KLHL28: variants seen among roughly 807,000 people sequenced by gnomAD.
The protein encoded by KLHL28 is kelch like family member 28.
In KLHL28, 22 loss-of-function variants were observed where a neutral mutation model predicts 48.3. The observed-to-expected ratio is 0.46, with a 90% CI of 0.33 to 0.65. The LOEUF is 0.65. KLHL28 is among the 30% of genes least tolerant of loss of function. The pLI is 0.03. For synonymous variants in KLHL28, 243 were observed against 242.4 expected (o/e 1.00, Z -0.02); for missense variants, 527 against 704.3 (o/e 0.75, Z 2.85).
chr14:44,956,049 A>G (rs1884782533), intron 1 of KLHL28, among the ~76,000 whole-genome samples: 1 of 152,220 alleles, frequency 6.6e-6, no homozygotes, highest in Non-Finnish European at 1.5e-5. Context: ...AACCTAGTAA[A>G]CAAAGAGAAA....
At position 44,945,218 on chromosome 14, in the gene KLHL28, T is replaced by C. The variant is rs201109759; in HGVS notation, c.711A>G (p.Leu237=). 40 of 1,614,156 alleles carry C rather than the reference T, an allele frequency of 2.5e-5. No homozygotes were observed. The East Asian group carries it at 3.8e-4, about 15-fold the overall frequency. ...CACGAATAAGATGATTTGCTTCATA[T>C]AGTCTAGTGAGAAACTTAACACTCA... The part of the protein sequence containing the change: ...PLLSVKFLTR[L]YEANHLIRDD... Residue 237 remains leucine, a synonymous_variant, in exon 2 of 5, where the codon CTA becomes CTG. Coordinates refer to ENST00000396128, the MANE Select transcript of KLHL28 (RefSeq NM_017658.5).
At chr14:44,943,863 C>A (rs1168411011) in intron 2 of KLHL28, among the ~76,000 whole-genome samples, 1 of 151,782 alleles carries the variant, frequency 6.6e-6, no homozygotes, top group Non-Finnish European at 1.5e-5. Context: ...TACAGGAGTG[C>A]AACACCACTC....
chr14:44,945,804 C>T lies in KLHL28; in HGVS notation c.125G>A (p.Gly42Asp). Residue 42 changes from glycine (G) to aspartate (D), a missense_variant, in exon 2 of 5, where the codon GGT (glycine) becomes GAT (aspartate). Physicochemically the swap from Gly to Asp is moderately conservative, Grantham distance 94. Transcript: ENST00000396128. ...HELCDIILRV[G>D]DVKIHAHKVV... ...TTTGTGAGCATGAATTTTAACATCA[C>T]CTACTCGAAGAATGATGTCACAGAG... 6.2e-7 allele frequency: 1 copy of T among 1,614,120 alleles called. No homozygotes were observed. Among genetic ancestry groups the T allele is most frequent in the East Asian group, 2.2e-5 (1 of 44,884 alleles).
rs1193445406 is a variant in KLHL28 at position 44,927,725 on chromosome 14, G to A, written c.*1303C>T. 2 of 152,546 alleles carry A rather than the reference G, an allele frequency of 1.3e-5. No individual in the cohort carries two copies. Among genetic ancestry groups the A allele is most frequent in the African/African-American group, 4.8e-5 (2 of 41,422 alleles). The allele number at this position is 152,546 out of a possible 1,614,324, so 9.4% of individuals were successfully genotyped here. A position where few individuals can be genotyped will look rare whatever the true frequency, so the allele number is the denominator to read the frequency against. ...GAACTATTACTCAAGTAAACATCGAGTTCCAGTTTTCCTCAATAACCTTAA... is the reference window on the plus strand; with the variant it reads ...GAACTATTACTCAAGTAAACATCGAATTCCAGTTTTCCTCAATAACCTTAA... On this transcript the variant is annotated 3_prime_UTR_variant, in exon 5 of 5. Coordinates refer to ENST00000396128, the MANE Select transcript of KLHL28 (RefSeq NM_017658.5).
rs1217412603 is a variant in KLHL28 at position 44,945,068 on chromosome 14, T to C, written c.861A>G (p.Ala287=). The C allele has an allele frequency of 3.1e-6, 5 of 1,612,248 alleles. No homozygotes were observed. Among genetic ancestry groups the C allele is most frequent in the Non-Finnish European group, 2.5e-6 (3 of 1,178,396 alleles). Residue 287 remains alanine (A), a synonymous_variant, in exon 2 of 5, where the codon GCA becomes GCG. Coordinates refer to ENST00000396128, the MANE Select transcript of KLHL28 (RefSeq NM_017658.5). ...CAAAGAGTCCAGATTTCCCTCCTAC[T>C]GCACAAAGTACTTTGGGAGCACAGC... ...RPRCAPKVLC[A]VGGKSGLFAC...
At chr14:44,948,501 C>T (rs1315023703) in intron 1 of KLHL28, among the ~76,000 whole-genome samples, 1 of 152,042 alleles carries the variant, frequency 6.6e-6, no homozygotes, top group East Asian at 1.9e-4. Context: ...TTGTTTCATT[C>T]ATAAAATAAG....
chr14:44,951,140 TG>T (rs1331917184), intron 1 of KLHL28, among the ~76,000 whole-genome samples: 3 of 152,270 alleles, frequency 2.0e-5, no homozygotes, highest in African/African-American at 7.2e-5. Flanking sequence ...TTTTCTATTC[TG>T]TAGCTCTATT....
At chr14:44,948,138 A>G (rs1884415576) in intron 1 of KLHL28, among the ~76,000 whole-genome samples, 1 of 152,228 alleles carries the variant, frequency 6.6e-6, no homozygotes, top group Non-Finnish European at 1.5e-5. Context: ...GTAGATAGAA[A>G]AAATAGGTAA....
At chr14:44,950,866 T>C (rs1055180780) in intron 1 of KLHL28, among the ~76,000 whole-genome samples, 4 of 152,150 alleles carry the variant, frequency 2.6e-5, no homozygotes, top group African/African-American at 7.2e-5. Flanking sequence ...TGCCTTTCCA[T>C]GCATACCAAA....
At chr14:44,930,901 C>G (rs1371674508) in intron 4 of KLHL28, among the ~76,000 whole-genome samples, 1 of 152,108 alleles carries the variant, frequency 6.6e-6, no homozygotes, top group Non-Finnish European at 1.5e-5. Context: ...AAATACAACC[C>G]TTTTTGATCA....
intron 2 of KLHL28, among the ~76,000 whole-genome samples, chr14:44,938,383 T>C (rs1883914343): frequency 6.6e-6 from 1 of 152,128 alleles, no homozygotes; most frequent in South Asian, 2.1e-4. Flanking sequence ...TCTTCTTTTT[T>C]TTTTTTGAGA....
chr14:44,942,405 A>G (rs1258485716), intron 2 of KLHL28, among the ~76,000 whole-genome samples: 2 of 152,212 alleles, frequency 1.3e-5, no homozygotes, highest in African/African-American at 4.8e-5. Context: ...AGGTTCTACA[A>G]TAACATCTTA....
intron 1 of KLHL28, among the ~76,000 whole-genome samples, chr14:44,948,936 A>G (rs1884459604): frequency 6.6e-6 from 1 of 152,094 alleles, no homozygotes; most frequent in South Asian, 2.1e-4. Context: ...TACCCCTTTC[A>G]ACTCTCATTT....
At chr14:44,949,165 T>C (rs115843672) in intron 1 of KLHL28, among the ~76,000 whole-genome samples, 2,765 of 152,244 alleles carry the variant, frequency 0.018, 28 homozygotes, top group African/African-American at 0.037. Flanking sequence ...TGAAGACTAT[T>C]TTCAAAAATA....
chr14:44,933,077 A>T (rs1277529820), intron 3 of KLHL28, among the ~76,000 whole-genome samples: 1 of 152,144 alleles, frequency 6.6e-6, no homozygotes, highest in Non-Finnish European at 1.5e-5. Flanking sequence ...TATACTTTAA[A>T]TCATCTCTAG....
intron 2 of KLHL28, among the ~76,000 whole-genome samples, chr14:44,937,025 G>A (rs1883853784): frequency 6.6e-6 from 1 of 151,636 alleles, no homozygotes; most frequent in African/African-American, 2.4e-5. Context: ...TGAAGTCACT[G>A]GTAATAACAA....
At chr14:44,958,213 T>G (rs1392392433) in intron 1 of KLHL28, among the ~76,000 whole-genome samples, 1 of 151,960 alleles carries the variant, frequency 6.6e-6, no homozygotes, top group African/African-American at 2.4e-5. Context: ...TAACTTAACT[T>G]TAGGCTCTGA....
rs750094685 is a variant in KLHL28 at position 44,945,157 on chromosome 14, G to T, written c.772C>A (p.Leu258Ile). Residue 258 changes from leucine to isoleucine, a missense_variant, in exon 2 of 5, where the codon CTA becomes ATA. By Grantham distance (5) the Leu-to-Ile change is conservative (BLOSUM62 2). Coordinates refer to ENST00000396128, the MANE Select transcript of KLHL28 (RefSeq NM_017658.5). ...TGTTCAGGCATAAAGTGGTACTTTAGGGCTTCATTCAAAAGATGTTTACAA... is the reference window on the plus strand; with the variant it reads ...TGTTCAGGCATAAAGTGGTACTTTATGGCTTCATTCAAAAGATGTTTACAA... ...RTCKHLLNEA[L>I]KYHFMPEHRL... The T allele has an allele frequency of 5.0e-6, 8 of 1,613,936 alleles. No individual in the cohort carries two copies. The highest frequency in any genetic ancestry group is 1.7e-5 in the Admixed American group (1 of 59,994).
chr14:44,929,128 T>G lies in KLHL28; in HGVS notation c.1616A>C (p.Tyr539Ser). Reference sequence around the variant, plus strand: ...ATCATATTTCTGCACTGTATTCAGATAGGAAGACCCTGAGTGACCACCGAC... The same window carrying G: ...ATCATATTTCTGCACTGTATTCAGAGAGGAAGACCCTGAGTGACCACCGAC... The part of the protein sequence containing the change: ...YVVGGHSGSS[Y>S]LNTVQKYDPI... Residue 539 changes from tyrosine (Y) to serine (S), a missense_variant, in exon 5 of 5, where the codon TAT (tyrosine) becomes TCT (serine). Transcript: ENST00000396128. 1 of 1,613,958 alleles carries G rather than the reference T, an allele frequency of 6.2e-7. No homozygotes were observed. Among genetic ancestry groups the G allele is most frequent in the Non-Finnish European group, 8.5e-7 (1 of 1,179,898 alleles).
Sources: allele counts gnomAD v4.1 joint callset (sites outside exome capture counted in the v4.1 genomes callset), GRCh38; gene constraint gnomAD v4.1.1; transcripts MANE v1.5; gene names NCBI Gene and HGNC (gene_info 2026-07-23, HGNC 2026-07-21).